The following DNAJB2 variants were observed in gnomAD, a reference collection of about 807,000 sequenced individuals.
The protein encoded by DNAJB2 is DnaJ heat shock protein family (Hsp40) member B2.
Under a neutral mutation model 33.3 loss-of-function variants are expected in DNAJB2, and 19 were observed. The ratio of observed to expected loss-of-function variants is 0.57; its 90% confidence interval spans 0.40 to 0.84. The LOEUF (loss-of-function observed/expected upper bound fraction) is 0.84, where lower values mean the gene tolerates loss of function less well. DNAJB2 is among the 40% of genes least tolerant of loss of function. The pLI is 0.00. For missense variants in DNAJB2, 368 were observed against 430.9 expected (o/e 0.85, Z 1.29); for synonymous variants, 172 against 164.6 (o/e 1.04, Z -0.34).
At chr2:219,282,644 T>C (rs1951915949) in intron 5 of DNAJB2, 193 bp from the exon 6 acceptor site, 2 of 514,790 alleles carry the variant, frequency 3.9e-6, no homozygotes, top group African/African-American at 2.0e-5. Flanking sequence ...TATTCTTTAT[T>C]GTGGACAGAA....
Position 219,284,992 on chromosome 2 carries a change from C to T in DNAJB2, c.*5C>T, listed in dbSNP as rs778777035. The T allele has an allele frequency of 9.4e-6, 14 of 1,487,092 alleles. No individual in the cohort carries two copies. The highest frequency in any genetic ancestry group is 2.8e-5 in the African/African-American group (2 of 71,706). 92.1% of individuals were successfully genotyped at this position (1,487,092 alleles called of 1,614,324 possible). ...TCTCGCTGCCTCATCCTCTGAACAC[C>T]GGGCCCAACCTGATCTGATCCAGAT... On this transcript the variant is annotated 3_prime_UTR_variant, in exon 9 of 9. Coordinates refer to ENST00000336576, the MANE Select transcript of DNAJB2 (RefSeq NM_006736.6).
chr2:219,281,572 GC>G (rs1354523536), intron 3 of DNAJB2, 145 bp from the exon 4 acceptor site: 1 of 998,062 alleles, frequency 1.0e-6, no homozygotes, highest in Non-Finnish European at 1.5e-6. Flanking sequence ...TAAACCTATA[GC>G]CCGTGTCCCC....
intron 4 of DNAJB2, 24 bp from the exon 5 acceptor site, chr2:219,281,915 T>C (rs546107193): frequency 6.2e-7 from 1 of 1,613,378 alleles, no homozygotes; most frequent in Non-Finnish European, 8.5e-7. Context: ...TGCCCTAAGC[T>C]CTCTCCTCAT....
At position 219,286,435 on chromosome 2, in the gene DNAJB2, C is replaced by G; in HGVS notation, c.*1448C>G. 5.8e-6 allele frequency: 1 copy of G among 172,634 alleles called. No homozygotes were observed. The allele number at this position is 172,634 out of a possible 1,614,324, so 10.7% of individuals were successfully genotyped here. A position where few individuals can be genotyped will look rare whatever the true frequency, so the allele number is the denominator to read the frequency against. On this transcript the variant is annotated 3_prime_UTR_variant, in exon 9 of 9. Coordinates refer to ENST00000336576, the MANE Select transcript of DNAJB2 (RefSeq NM_006736.6). ...GCCTTGGTTCCCCTGACACGTCTTG[C>G]TAGCCCCAGGGTTAGAGTGGGCAGG...
chr2:219,280,724 C>T (rs1327866369), intron 3 of DNAJB2, 37 bp downstream of exon 3: 24 of 1,441,286 alleles, frequency 1.7e-5, no homozygotes, highest in Non-Finnish European at 2.2e-5. Context: ...AGCACATCAC[C>T]CCCTACTTCA....
At chr2:219,281,002 C>T in intron 3 of DNAJB2, 1 of 338,380 alleles carries the variant, frequency 3.0e-6, no homozygotes, top group Non-Finnish European at 5.5e-6. Context: ...GGTTCTATCA[C>T]CCCTATTTTA....
Position 219,283,174 on chromosome 2 carries a change from G to A in DNAJB2, c.487G>A (p.Ala163Thr). 1 of 1,614,238 alleles carries A rather than the reference G, an allele frequency of 6.2e-7. No individual in the cohort carries two copies. The highest frequency in any genetic ancestry group is 8.5e-7 in the Non-Finnish European group (1 of 1,180,046). ...TTTCTCCTTCAGTCCTGGGGCTGGTGCTTTTCGCTCTGTTTCTACATCTAC... is the reference window on the plus strand; with the variant it reads ...TTTCTCCTTCAGTCCTGGGGCTGGTACTTTTCGCTCTGTTTCTACATCTAC... Reference protein sequence around the residue: ...SSFSFSPGAGAFRSVSTSTTF... With the variant: ...SSFSFSPGAGTFRSVSTSTTF... Residue 163 changes from alanine (A) to threonine (T), a missense_variant, in exon 7 of 9, where the codon GCT becomes ACT. Physicochemically the swap from Ala to Thr is moderately conservative, Grantham distance 58. Coordinates refer to ENST00000336576, the MANE Select transcript of DNAJB2 (RefSeq NM_006736.6).
chr2:219,285,965 C>G lies in DNAJB2; in HGVS notation c.*978C>G, dbSNP rs376729501. On this transcript the variant is annotated 3_prime_UTR_variant, in exon 9 of 9. Transcript: ENST00000336576. Reference sequence around the variant, plus strand: ...TGCCGCTGACGCTCTCTCCTGTCACCCCGCCCCTGCTCTCTCCCCAGATGT... The same window carrying G: ...TGCCGCTGACGCTCTCTCCTGTCACGCCGCCCCTGCTCTCTCCCCAGATGT... 6.2e-7 allele frequency: 1 copy of G among 1,611,798 alleles called. No homozygotes were observed. Among genetic ancestry groups the G allele is most frequent in the South Asian group, 1.1e-5 (1 of 91,022 alleles).
chr2:219,280,733 C>A, intron 3 of DNAJB2, 46 bp downstream of exon 3: 1 of 1,363,156 alleles, frequency 7.3e-7, no homozygotes, highest in Non-Finnish European at 1.0e-6. Flanking sequence ...CCCCCTACTT[C>A]ATGCCCCAGC....
In DNAJB2 at chr2:219,285,968, G is replaced by A. The variant is rs1295474654; in HGVS notation, c.*981G>A. 5 of 1,611,750 alleles carry A rather than the reference G, an allele frequency of 3.1e-6. No homozygotes were observed. Among genetic ancestry groups the A allele is most frequent in the Admixed American group, 3.3e-5 (2 of 59,974 alleles). ...CGCTGACGCTCTCTCCTGTCACCCC[G>A]CCCCTGCTCTCTCCCCAGATGTGTT... On this transcript the variant is annotated 3_prime_UTR_variant, in exon 9 of 9. Transcript: ENST00000336576.
chr2:219,281,399 T>C lies in DNAJB2; in HGVS notation c.176-319T>C, dbSNP rs1479866578. 5 of 348,798 alleles carry C rather than the reference T, an allele frequency of 1.4e-5. No individual in the cohort carries two copies. The East Asian group carries it at 2.5e-4, about 18-fold the overall frequency. 21.6% of individuals were successfully genotyped at this position (348,798 alleles called of 1,614,324 possible). On this transcript the variant is annotated intron_variant, in intron 3 of 8. Coordinates refer to ENST00000336576, the MANE Select transcript of DNAJB2 (RefSeq NM_006736.6). ...TGGTGAATAATAATGTAGTAATCAT[T>C]AGCTAACATTTATTGAACACTTTCT... is the stretch of plus-strand genomic sequence containing the variant.
In DNAJB2 at chr2:219,285,411, G is replaced by C. The variant is rs1489765592; in HGVS notation, c.*424G>C. ...ACTGGAGAGCAGTGCAGGCAGAGTG[G>C]AGCCTCCTGCTCTCCTGGACCAGCT... On this transcript the variant is annotated 3_prime_UTR_variant, in exon 9 of 9. Transcript: ENST00000336576. The C allele has an allele frequency of 9.9e-7, 1 of 1,008,780 alleles. No individual in the cohort carries two copies. Among genetic ancestry groups the C allele is most frequent in the Non-Finnish European group, 1.2e-6 (1 of 845,166 alleles). 62.5% of individuals were successfully genotyped at this position (1,008,780 alleles called of 1,614,324 possible).
Position 219,283,434 on chromosome 2 carries a change from G to C in DNAJB2, c.564G>C (p.Gly188=). Residue 188 remains glycine, a synonymous_variant, in exon 8 of 9, where the codon GGG becomes GGC. Transcript: ENST00000336576. ...TCTCCCACAGAATCATGGAGAACGGGCAGGAGCGGGTGGAAGTGGAGGAGG... is the reference window on the plus strand; with the variant it reads ...TCTCCCACAGAATCATGGAGAACGGCCAGGAGCGGGTGGAAGTGGAGGAGG... ...RITTRRIMEN[G]QERVEVEEDG... 1 of 1,614,118 alleles carries C rather than the reference G, an allele frequency of 6.2e-7. No homozygotes were observed. The highest frequency in any genetic ancestry group is 8.5e-7 in the Non-Finnish European group (1 of 1,179,974).
chr2:219,283,207 G>A lies in DNAJB2; in HGVS notation c.520G>A (p.Val174Ile). 3.1e-6 allele frequency: 5 copies of A among 1,614,182 alleles called. No individual in the cohort carries two copies. The highest frequency in any genetic ancestry group is 4.2e-6 in the Non-Finnish European group (5 of 1,180,040). ...FRSVSTSTTF[V>I]QGRRITTRRI... ...CTCTGTTTCTACATCTACCACCTTT[G>A]TCCAAGGACGCCGCATCACCACACG... The change falls in exon 7 of 9, where the codon GTC (valine) becomes ATC (isoleucine). Residue 174 changes from valine to isoleucine, a missense_variant. Val to Ile is a conservative substitution (Grantham distance 29, BLOSUM62 3). Coordinates refer to ENST00000336576, the MANE Select transcript of DNAJB2 (RefSeq NM_006736.6).
At chr2:219,283,964 G>C (rs1266342738) in intron 8 of DNAJB2, among the ~76,000 whole-genome samples, 1 of 152,196 alleles carries the variant, frequency 6.6e-6, no homozygotes, top group East Asian at 1.9e-4. Flanking sequence ...ACACCATGCT[G>C]TGCAGGGCCG....
chr2:219,280,547 C>G (rs375566786), intron 2 of DNAJB2, 31 bp from the exon 3 acceptor site: 8 of 1,574,856 alleles, frequency 5.1e-6, no homozygotes, highest in Non-Finnish European at 7.0e-6. Context: ...ATTTGTCCCC[C>G]GACTCTCTCC....
Position 219,285,713 on chromosome 2 carries a change from C to G in DNAJB2, c.*726C>G, listed in dbSNP as rs746563520. ...GCCTCTCAGCTGTCCAGATTCAGAA[C>G]TGGAGCCCACTCCTCCTCCCTCTCG... On this transcript the variant is annotated 3_prime_UTR_variant, in exon 9 of 9. Coordinates refer to ENST00000336576, the MANE Select transcript of DNAJB2 (RefSeq NM_006736.6). 134 of 1,237,110 alleles carry G rather than the reference C, an allele frequency of 1.1e-4. No individual in the cohort carries two copies. Among genetic ancestry groups the G allele is most frequent in the Non-Finnish European group, 1.3e-4 (132 of 984,194 alleles). The allele number at this position is 1,237,110 out of a possible 1,614,324, so 76.6% of individuals were successfully genotyped here. A position where few individuals can be genotyped will look rare whatever the true frequency, so the allele number is the denominator to read the frequency against.
At chr2:219,281,386 A>G (rs1268736682) in intron 3 of DNAJB2, 1 of 317,076 alleles carries the variant, frequency 3.2e-6, no homozygotes, top group Non-Finnish European at 5.9e-6. Context: ...GTGAATAATA[A>G]TGTAGTAATC....
chr2:219,282,756 T>C (rs1951916693), intron 5 of DNAJB2, 81 bp from the exon 6 acceptor site: 2 of 1,377,124 alleles, frequency 1.5e-6, no homozygotes, highest in Admixed American at 5.3e-5. Context: ...CTTAGTGGTT[T>C]ATACTTCCAG....
Sources: gnomAD v4.1 joint callset for allele counts (sites outside exome capture counted in the v4.1 genomes callset) on GRCh38, gnomAD v4.1.1 for gene constraint, MANE v1.5 for transcripts, NCBI Gene and HGNC (gene_info 2026-07-23, HGNC 2026-07-21) for gene names.